Variants in ITSN1 observed in about 807,000 individuals in gnomAD.
The protein encoded by ITSN1 is intersectin 1.
In ITSN1, 58 loss-of-function variants were observed where a neutral mutation model predicts 239.8. That is an observed-to-expected ratio of 0.24 (90% CI 0.20 to 0.30). The LOEUF (loss-of-function observed/expected upper bound fraction) is 0.30. Ranked by LOEUF, ITSN1 falls within the 10% of genes least tolerant of loss-of-function variation. The pLI is 1.00. For missense variants in ITSN1, 1,558 were observed against 2,103.3 expected (o/e 0.74, Z 5.07); for synonymous variants, 780 against 770.8 (o/e 1.01, Z -0.20).
At chr21:33,857,137 G>A (rs1645427308) in intron 30 of ITSN1, among the ~76,000 whole-genome samples, 1 of 152,188 alleles carries the variant, frequency 6.6e-6, no homozygotes, top group African/African-American at 2.4e-5. Context: ...TGTGAACTGA[G>A]AGTCTGGAGT....
chr21:33,865,184 G>T lies in ITSN1; in HGVS notation c.3924G>T (p.Glu1308Asp), dbSNP rs1445959499. Residue 1308 changes from glutamate to aspartate, a missense_variant, in exon 32 of 40, where the codon GAG becomes GAT. Physicochemically the swap from Glu to Asp is conservative, Grantham distance 45 (BLOSUM62 2). Around this residue, in one of 2 missense-constraint regions of ITSN1, gnomAD observed 576 missense variants for 893.3 expected, o/e 0.64. Coordinates refer to ENST00000381318, the MANE Select transcript of ITSN1 (RefSeq NM_003024.3). This position sits in a 1 kb window ranked among gnomAD's most constrained non-coding sequence, Gnocchi z 4.4. ...GAGTCCGCAAGAAGATGTCCGGGGA[G>T]AAGATGCCTGTGAAGATGATTGGAG... ...ALRVRKKMSGEKMPVKMIGDI... is the reference protein window; with the variant it reads ...ALRVRKKMSGDKMPVKMIGDI... 6.2e-7 allele frequency: 1 copy of T among 1,613,892 alleles called. No homozygotes were observed. Among genetic ancestry groups the T allele is most frequent in the African/African-American group, 1.3e-5 (1 of 74,906 alleles).
chr21:33,673,442 C>T (rs2090418766), intron 1 of ITSN1, among the ~76,000 whole-genome samples: 1 of 152,122 alleles, frequency 6.6e-6, no homozygotes, highest in South Asian at 2.1e-4. Context: ...ACTGTAGTAG[C>T]CATTTCACTG....
chr21:33,779,402 T>A (rs1032381874), intron 14 of ITSN1, among the ~76,000 whole-genome samples: 9 of 152,380 alleles, frequency 5.9e-5, no homozygotes, highest in South Asian at 2.1e-4. Context: ...AAATCTTTTT[T>A]AAATTTTCTT....
chr21:33,712,832 G>GTTCT (rs1200726182), intron 1 of ITSN1, among the ~76,000 whole-genome samples: 1 of 152,182 alleles, frequency 6.6e-6, no homozygotes, highest in Non-Finnish European at 1.5e-5. Context: ...TACATTTTGT[G>GTTCT]TTCTGTCTGC....
At chr21:33,847,734 T>A (rs988068727) in intron 29 of ITSN1, among the ~76,000 whole-genome samples, 1 of 152,196 alleles carries the variant, frequency 6.6e-6, no homozygotes, top group Non-Finnish European at 1.5e-5. Flanking sequence ...TTGAGTGACC[T>A]GCCATGGGCT....
chr21:33,865,105 C>A lies in ITSN1; in HGVS notation c.3891-46C>A. The stretch of plus-strand genomic sequence containing the variant: ...CAACCTAAGTGTGCTGTGGTGCTGT[C>A]AGATAGCGTGAAAGCAGGGGGCTCA... On this transcript the variant is annotated intron_variant, in intron 31 of 39. Transcript: ENST00000381318. This position sits in a 1 kb window ranked among gnomAD's most constrained non-coding sequence, Gnocchi z 4.4. 1 of 1,574,570 alleles carries A rather than the reference C, an allele frequency of 6.4e-7. No individual in the cohort carries two copies. Among genetic ancestry groups the A allele is most frequent in the South Asian group, 1.2e-5 (1 of 83,382 alleles).
chr21:33,851,462 G>C (rs1428278734), intron 29 of ITSN1, among the ~76,000 whole-genome samples: 1 of 151,240 alleles, frequency 6.6e-6, no homozygotes, highest in Non-Finnish European at 1.5e-5. Context: ...GCAGTGGTGC[G>C]ACCTCAGCTC....
chr21:33,713,975 C>T (rs1010478854), intron 1 of ITSN1, among the ~76,000 whole-genome samples: 3 of 151,844 alleles, frequency 2.0e-5, no homozygotes, highest in African/African-American at 7.3e-5. Context: ...GCTGGGACTA[C>T]AGGCATGTGC....
At chr21:33,714,296 AAGAG>A (rs748456126) in intron 1 of ITSN1, among the ~76,000 whole-genome samples, 3 of 152,218 alleles carry the variant, frequency 2.0e-5, no homozygotes, top group Non-Finnish European at 4.4e-5. Flanking sequence ...TGGGGAGGGA[AAGAG>A]AGAGAACGTG....
rs761658978 is a variant in ITSN1 at position 33,888,555 on chromosome 21, C to T, written c.*255C>T. ...CAGGTCTCATTATGGCTTCTAGGGT[C>T]GCTGAAATCCCATAGCCCTCAACAG... On this transcript the variant is annotated 3_prime_UTR_variant, in exon 40 of 40. Coordinates refer to ENST00000381318, the MANE Select transcript of ITSN1 (RefSeq NM_003024.3). 4 of 369,036 alleles carry T rather than the reference C, an allele frequency of 1.1e-5. No individual in the cohort carries two copies. Among genetic ancestry groups the T allele is most frequent in the South Asian group, 4.9e-5 (1 of 20,356 alleles). The allele number at this position is 369,036 out of a possible 1,614,324, so 22.9% of individuals were successfully genotyped here.
intron 22 of ITSN1, among the ~76,000 whole-genome samples, chr21:33,815,787 G>A (rs2073225356): frequency 6.6e-6 from 1 of 152,160 alleles, no homozygotes; most frequent in South Asian, 2.1e-4. Flanking sequence ...CAAGAAAAAT[G>A]TTCAAGTTGG....
At chr21:33,680,497 A>G (rs1252509862) in intron 1 of ITSN1, among the ~76,000 whole-genome samples, 2 of 151,876 alleles carry the variant, frequency 1.3e-5, no homozygotes, top group South Asian at 2.1e-4. Flanking sequence ...ACACCCGGCT[A>G]ATTTTTGTGT....
At chr21:33,855,490 C>T (rs1419992447) in intron 29 of ITSN1, among the ~76,000 whole-genome samples, 3 of 152,254 alleles carry the variant, frequency 2.0e-5, no homozygotes, top group Non-Finnish European at 4.4e-5. Context: ...CTGGGTCTGT[C>T]TTCCAAGTCT....
At chr21:33,723,147 A>AC (rs1569025574) in intron 4 of ITSN1, among the ~76,000 whole-genome samples, 1 of 152,270 alleles carries the variant, frequency 6.6e-6, no homozygotes, top group Non-Finnish European at 1.5e-5. Context: ...CACAGGAAAT[A>AC]CAGAGAGTAT....
intron 12 of ITSN1, 70 bp from the exon 13 acceptor site, chr21:33,774,659 A>G: frequency 1.4e-6 from 2 of 1,459,568 alleles, no homozygotes; most frequent in Non-Finnish European, 1.9e-6. Flanking sequence ...CCTAGATGCC[A>G]TTTTTGTGAA....
At chr21:33,697,906 G>A (rs902510109) in intron 1 of ITSN1, among the ~76,000 whole-genome samples, 1 of 152,128 alleles carries the variant, frequency 6.6e-6, no homozygotes, top group African/African-American at 2.4e-5. Flanking sequence ...GACAAACTAT[G>A]GATAATAACT....
At chr21:33,885,357 G>T in intron 37 of ITSN1, 82 bp from the exon 38 acceptor site, 1 of 1,286,318 alleles carries the variant, frequency 7.8e-7, no homozygotes. Flanking sequence ...AGAGGTACAT[G>T]AAATGCATTG....
chr21:33,788,543 C>T (rs1482502618), intron 16 of ITSN1, among the ~76,000 whole-genome samples: 2 of 152,044 alleles, frequency 1.3e-5, no homozygotes, highest in Non-Finnish European at 2.9e-5. Flanking sequence ...CCAGCCTGGC[C>T]AACATGGCAA....
rs1019868576 is a variant in ITSN1, at chr21:33,735,033, T to C, written c.186-11T>C. The C allele has an allele frequency of 1.9e-6, 3 of 1,603,278 alleles. No homozygotes were observed. In the African/African-American group the frequency reaches 4.0e-5, roughly 22 times the overall value. On this transcript the variant is annotated splice_polypyrimidine_tract_variant and intron_variant, in intron 4 of 39. Coordinates refer to ENST00000381318, the MANE Select transcript of ITSN1 (RefSeq NM_003024.3). ...TCACAGTTGTTCTCAGGCCATGCTG[T>C]TGGTTTGCAGGGCACTAGCTGACAT...
Sources: allele counts gnomAD v4.1 joint callset (sites outside exome capture counted in the v4.1 genomes callset), GRCh38; gene constraint gnomAD v4.1.1; regional missense constraint gnomAD v4.1.1; non-coding constraint Gnocchi (gnomAD v3.1); transcripts MANE v1.5; gene names NCBI Gene and HGNC (gene_info 2026-07-23, HGNC 2026-07-21).